Variants in ARHGAP32 observed in about 807,000 individuals in gnomAD.
The protein encoded by ARHGAP32 is Rho GTPase activating protein 32.
Under a neutral mutation model 186.5 loss-of-function variants are expected in ARHGAP32, and 51 were observed. That is an observed-to-expected ratio of 0.27 (90% CI 0.22 to 0.35). The LOEUF is 0.35. Ranked by LOEUF, ARHGAP32 falls within the 10% of genes least tolerant of loss-of-function variation. The pLI is 1.00. For synonymous variants in ARHGAP32, 950 were observed against 964.3 expected (o/e 0.99, Z 0.27); for missense variants, 2,186 against 2,623.5 (o/e 0.83, Z 3.64).
At chr11:128,971,190 T>G in intron 22 of ARHGAP32, 31 bp from the exon 23 acceptor site, 2 of 1,545,148 alleles carry the variant, frequency 1.3e-6, no homozygotes, top group East Asian at 4.5e-5. Flanking sequence ...TATGGGTCTA[T>G]TTTTTGTTCC....
intron 6 of ARHGAP32, among the ~76,000 whole-genome samples, chr11:129,078,775 G>A (rs1242234913): frequency 1.3e-5 from 2 of 152,128 alleles, no homozygotes; most frequent in Non-Finnish European, 2.9e-5. Flanking sequence ...TTAAAGGCGT[G>A]AGCCACCGTA....
chr11:129,021,992 C>T (rs1938616599), intron 11 of ARHGAP32, among the ~76,000 whole-genome samples: 1 of 151,938 alleles, frequency 6.6e-6, no homozygotes, highest in Admixed American at 6.6e-5. Flanking sequence ...GATTTTAAAA[C>T]CTGCTAAGAA....
chr11:129,195,534 G>A (rs1944379988), upstream of ARHGAP32, among the ~76,000 whole-genome samples: 1 of 151,590 alleles, frequency 6.6e-6, no homozygotes, highest in Non-Finnish European at 1.5e-5. Context: ...GGGATTACAG[G>A]CACCCGCCAC....
At chr11:129,220,829 T>C (rs1350113994) in intron 1 of ARHGAP32, among the ~76,000 whole-genome samples, 6 of 152,328 alleles carry the variant, frequency 3.9e-5, no homozygotes, top group South Asian at 4.1e-4. Flanking sequence ...TTATATTTTA[T>C]TCATTTTTAC....
intron 11 of ARHGAP32, among the ~76,000 whole-genome samples, chr11:129,023,615 C>T (rs1938697014): frequency 6.6e-6 from 1 of 152,100 alleles, no homozygotes; most frequent in African/African-American, 2.4e-5. Context: ...TTTCTTGAAA[C>T]CGACTGGGAA....
intron 2 of ARHGAP32, among the ~76,000 whole-genome samples, chr11:129,125,192 C>T (rs1276819906): frequency 2.0e-5 from 3 of 151,862 alleles, no homozygotes; most frequent in Admixed American, 1.3e-4. Flanking sequence ...AAAATTTCCC[C>T]TGGAAGTTGT....
intron 6 of ARHGAP32, among the ~76,000 whole-genome samples, chr11:129,083,451 C>T (rs987912137): frequency 6.6e-6 from 1 of 152,138 alleles, no homozygotes; most frequent in Non-Finnish European, 1.5e-5. Flanking sequence ...GACCATTATT[C>T]TAAGTGAAAT....
chr11:129,047,336 C>T (rs1939853599), intron 10 of ARHGAP32, among the ~76,000 whole-genome samples: 2 of 152,212 alleles, frequency 1.3e-5, no homozygotes, highest in Non-Finnish European at 1.5e-5. Flanking sequence ...CTGACTACAA[C>T]TTCCTATCCT....
chr11:129,177,474 G>C (rs1323134089), intron 1 of ARHGAP32, among the ~76,000 whole-genome samples: 4 of 152,110 alleles, frequency 2.6e-5, no homozygotes, highest in African/African-American at 9.7e-5. Context: ...GCCGGGCAGA[G>C]ACACAACCAA....
chr11:129,114,578 T>G (rs889115259), intron 5 of ARHGAP32, among the ~76,000 whole-genome samples: 1 of 152,140 alleles, frequency 6.6e-6, no homozygotes, highest in Middle Eastern at 3.2e-3. Flanking sequence ...TTAATGTATT[T>G]TATGCAGTAC....
At position 129,223,156 on chromosome 11, in the gene ARHGAP32, T is replaced by C. The variant is rs568382032; in HGVS notation, c.-5+55990A>G. Among the ~76,000 whole-genome samples, 25 of 152,274 alleles carry C rather than the reference T, an allele frequency of 1.6e-4. No homozygotes were observed. In the South Asian group the frequency reaches 5.0e-3, roughly 30 times the overall value. ...ACTAAGTCTTTGAACACAGCTTGAATTTTCCACTTACAGTACACATTTTAA... is the reference window on the plus strand; with the variant it reads ...ACTAAGTCTTTGAACACAGCTTGAACTTTCCACTTACAGTACACATTTTAA... On this transcript the variant is annotated intron_variant, in intron 1 of 6. Transcript: ENST00000525234.
chr11:129,219,607 T>C (rs758770505), intron 1 of ARHGAP32, among the ~76,000 whole-genome samples: 2 of 152,288 alleles, frequency 1.3e-5, no homozygotes, highest in South Asian at 2.1e-4. Flanking sequence ...TAGCTGGTCA[T>C]AGTCTCTATT....
chr11:129,164,187 A>G (rs1943587271), intron 2 of ARHGAP32, 132 bp downstream of exon 2: 1 of 596,290 alleles, frequency 1.7e-6, no homozygotes, highest in Non-Finnish European at 2.9e-6. Context: ...TATTCACTCA[A>G]TAAATATTTC....
intron 1 of ARHGAP32, among the ~76,000 whole-genome samples, chr11:129,235,590 G>T (rs1944918431): frequency 2.0e-5 from 3 of 152,144 alleles, no homozygotes; most frequent in Admixed American, 2.0e-4. Flanking sequence ...GAGAAAACAG[G>T]TGGCGCTTGG....
chr11:128,970,975 G>C lies in ARHGAP32; in HGVS notation c.4238C>G (p.Ala1413Gly), dbSNP rs995304208. The change falls in exon 23 of 23, where the codon GCC becomes GGC. Residue 1413 changes from alanine (A) to glycine (G), a missense_variant. Transcript: ENST00000682385. This position sits in a 1 kb window ranked among gnomAD's most constrained non-coding sequence, Gnocchi z 5.8. Reference protein sequence around the residue: ...GARVPLLHLRAESVPAHPCGF... With the variant: ...GARVPLLHLRGESVPAHPCGF... ...ACAGGGATGCGCAGGGACAGACTCGGCGCGCAGGTGCAGCAGCGGGACCCG... is the reference window on the plus strand; with the variant it reads ...ACAGGGATGCGCAGGGACAGACTCGCCGCGCAGGTGCAGCAGCGGGACCCG... 3.1e-6 allele frequency: 5 copies of C among 1,613,710 alleles called. No homozygotes were observed. Among genetic ancestry groups the C allele is most frequent in the Non-Finnish European group, 4.2e-6 (5 of 1,180,018 alleles).
intron 5 of ARHGAP32, among the ~76,000 whole-genome samples, chr11:129,094,496 T>C (rs1941672775): frequency 6.6e-6 from 1 of 152,232 alleles, no homozygotes; most frequent in African/African-American, 2.4e-5. Flanking sequence ...TACAGATTTC[T>C]GGCTTCTACT....
chr11:129,251,648 G>T (rs930597896), intron 1 of ARHGAP32, among the ~76,000 whole-genome samples: 19 of 151,984 alleles, frequency 1.3e-4, no homozygotes, highest in African/African-American at 4.4e-4. Flanking sequence ...CAAAGTACCA[G>T]CCCAGCGCGG....
At chr11:129,092,313 T>A (rs148589110) in intron 6 of ARHGAP32, among the ~76,000 whole-genome samples, 1 of 151,826 alleles carries the variant, frequency 6.6e-6, no homozygotes, top group South Asian at 2.1e-4. Context: ...AAATTAACAG[T>A]GAGAAAAAAG....
chr11:129,030,783 AT>A (rs1240254762), intron 11 of ARHGAP32, among the ~76,000 whole-genome samples: 2 of 152,178 alleles, frequency 1.3e-5, no homozygotes, highest in African/African-American at 4.8e-5. Flanking sequence ...CTCATGTTCA[AT>A]TGTAATCCCC....
Sources: allele counts gnomAD v4.1 joint callset (sites outside exome capture counted in the v4.1 genomes callset), GRCh38; gene constraint gnomAD v4.1.1; non-coding constraint Gnocchi (gnomAD v3.1); transcripts MANE v1.5; gene names NCBI Gene and HGNC (gene_info 2026-07-23, HGNC 2026-07-21).